The following NFAM1 variants were observed in gnomAD, a reference collection of about 807,000 sequenced individuals.
The protein encoded by NFAM1 is NFAT activation molecule 1.
Under a neutral mutation model 29.0 loss-of-function variants are expected in NFAM1, and 17 were observed. The ratio of observed to expected loss-of-function variants is 0.59; its 90% CI spans 0.40 to 0.88. NFAM1 has a LOEUF of 0.88. Among genes scored for constraint, NFAM1 ranks in the 40% least tolerant of loss-of-function variants. The pLI is 0.00. For synonymous variants in NFAM1, 175 were observed against 147.2 expected (o/e 1.19, Z -1.36); for missense variants, 324 against 344.6 (o/e 0.94, Z 0.47).
At chr22:42,434,422 G>A (rs1373990114), upstream of NFAM1, among the ~76,000 whole-genome samples, 1 of 152,172 alleles carries the variant, frequency 6.6e-6, no homozygotes, top group African/African-American at 2.4e-5. Flanking sequence ...GGGCTGTGGA[G>A]CGCAGACATG....
At chr22:42,430,434 C>A (rs774995753) in intron 1 of NFAM1, among the ~76,000 whole-genome samples, 3 of 151,330 alleles carry the variant, frequency 2.0e-5, no homozygotes, top group African/African-American at 7.3e-5. Flanking sequence ...GTGGTGGGCA[C>A]CTGTAGTGCC....
At chr22:42,398,396 T>TATC (rs1929609762) in intron 3 of NFAM1, among the ~76,000 whole-genome samples, 1 of 112,734 alleles carries the variant, frequency 8.9e-6, no homozygotes, top group South Asian at 3.0e-4. Context: ...TTATTATTAT[T>TATC]ATTATTATTA....
chr22:42,415,711 G>A (rs1204461770), intron 1 of NFAM1, among the ~76,000 whole-genome samples: 2 of 152,206 alleles, frequency 1.3e-5, no homozygotes, highest in African/African-American at 4.8e-5. Context: ...CAGGGGTGTA[G>A]GCTGTAGAGG....
At chr22:42,411,821 G>T in intron 1 of NFAM1, 85 bp from the exon 2 acceptor site, 1 of 909,388 alleles carries the variant, frequency 1.1e-6, no homozygotes, top group Non-Finnish European at 1.7e-6. Flanking sequence ...CTCACGACCG[G>T]GTGCGGTGGC....
At chr22:42,392,027 G>A (rs1929362393) in intron 4 of NFAM1, among the ~76,000 whole-genome samples, 1 of 151,634 alleles carries the variant, frequency 6.6e-6, no homozygotes. Context: ...TGACTCTGGT[G>A]TTCAGAGGAG....
chr22:42,424,990 C>T (rs1569236350), intron 1 of NFAM1, among the ~76,000 whole-genome samples: 2 of 151,628 alleles, frequency 1.3e-5, no homozygotes, highest in Admixed American at 6.6e-5. Flanking sequence ...GGTGCAATCC[C>T]GTCTCACAGC....
intron 1 of NFAM1, among the ~76,000 whole-genome samples, chr22:42,430,929 G>C (rs1038825746): frequency 6.6e-6 from 1 of 152,216 alleles, no homozygotes; most frequent in Non-Finnish European, 1.5e-5. Context: ...GGGTCTGGCC[G>C]TGTTTGCACC....
At position 42,385,077 on chromosome 22, in the gene NFAM1, C is replaced by T. The variant is rs1298456743; in HGVS notation, c.*84G>A. The T allele has an allele frequency of 1.9e-6, 2 of 1,044,618 alleles. No individual in the cohort carries two copies. Among genetic ancestry groups the T allele is most frequent in the Non-Finnish European group, 3.0e-6 (2 of 662,426 alleles). 64.7% of individuals were successfully genotyped at this position (1,044,618 alleles called of 1,614,324 possible). A position where few individuals can be genotyped will look rare whatever the true frequency, so the allele number is the denominator to read the frequency against. On this transcript the variant is annotated 3_prime_UTR_variant, in exon 6 of 6. Transcript: ENST00000329021. ...ATGGGGTGTCCCTGGGGGCCTTACT[C>T]CCAACTCAGATCAAGTCCTTTGGTG...
intron 1 of NFAM1, among the ~76,000 whole-genome samples, chr22:42,420,550 G>A (rs1437611194): frequency 1.3e-5 from 2 of 151,940 alleles, no homozygotes; most frequent in Non-Finnish European, 2.9e-5. Context: ...TGGATCACTA[G>A]AGGTCAGGAG....
At chr22:42,424,991 G>A (rs964032396) in intron 1 of NFAM1, among the ~76,000 whole-genome samples, 6 of 151,732 alleles carry the variant, frequency 4.0e-5, no homozygotes, top group East Asian at 1.9e-4. Flanking sequence ...GTGCAATCCC[G>A]TCTCACAGCA....
intron 1 of NFAM1, among the ~76,000 whole-genome samples, chr22:42,413,449 C>G (rs1487771412): frequency 6.6e-6 from 1 of 152,098 alleles, no homozygotes; most frequent in South Asian, 2.1e-4. Context: ...TCTGGCAATG[C>G]TGATATTTTG....
chr22:42,410,620 G>A, intron 2 of NFAM1: 1 of 199,938 alleles, frequency 5.0e-6, no homozygotes, highest in Non-Finnish European at 1.1e-5. Context: ...GATTGGGCCA[G>A]TGCACTTCAG....
intron 3 of NFAM1, among the ~76,000 whole-genome samples, chr22:42,405,725 G>C (rs1052208764): frequency 5.3e-5 from 8 of 152,208 alleles, no homozygotes; most frequent in Admixed American, 4.6e-4. Flanking sequence ...GGCTGGGCTG[G>C]AGTCAAGGCG....
intron 1 of NFAM1, among the ~76,000 whole-genome samples, chr22:42,420,816 C>A (rs1031767462): frequency 6.6e-6 from 1 of 152,150 alleles, no homozygotes; most frequent in Non-Finnish European, 1.5e-5. Flanking sequence ...AGAAAACATT[C>A]TCAAAGGAAA....
intron 4 of NFAM1, among the ~76,000 whole-genome samples, chr22:42,397,453 G>A (rs766328913): frequency 3.9e-5 from 6 of 152,212 alleles, no homozygotes; most frequent in East Asian, 1.9e-4. Flanking sequence ...GTGGGATGGC[G>A]CCTGACCTCT....
intron 1 of NFAM1, among the ~76,000 whole-genome samples, chr22:42,421,445 CAAAAAAAAAA>C (rs202030633): frequency 8.9e-6 from 1 of 112,604 alleles, no homozygotes; most frequent in Non-Finnish European, 1.9e-5. Flanking sequence ...AACTCTGTCT[CAAAAAAAAAA>C]AAAAAAGAAA....
At chr22:42,415,490 G>A (rs1165119248) in intron 1 of NFAM1, among the ~76,000 whole-genome samples, 1 of 151,968 alleles carries the variant, frequency 6.6e-6, no homozygotes, top group African/African-American at 2.4e-5. Context: ...TAGTAGAGAC[G>A]GGGTTTCACC....
intron 1 of NFAM1, among the ~76,000 whole-genome samples, chr22:42,426,471 A>C (rs971346744): frequency 6.6e-6 from 1 of 152,148 alleles, no homozygotes; most frequent in Non-Finnish European, 1.5e-5. Flanking sequence ...CACTCATCAA[A>C]TAGACCCTCA....
chr22:42,387,674 A>G (rs1437911090), intron 4 of NFAM1, among the ~76,000 whole-genome samples: 2 of 151,728 alleles, frequency 1.3e-5, no homozygotes, highest in African/African-American at 4.8e-5. Context: ...CCAGAGTCCA[A>G]TCCTGGTTCT....
Sources: allele counts gnomAD v4.1 joint callset (sites outside exome capture counted in the v4.1 genomes callset), GRCh38; gene constraint gnomAD v4.1.1; transcripts MANE v1.5; gene names NCBI Gene and HGNC (gene_info 2026-07-23, HGNC 2026-07-21).